The following ANK3 variants were observed in gnomAD, a reference collection of about 807,000 sequenced individuals.
ANK3 encodes the protein ankyrin 3.
Under a neutral mutation model 370.9 loss-of-function variants are expected in ANK3, and 57 were observed. That is an observed-to-expected ratio of 0.15 (90% CI 0.12 to 0.19). The LOEUF is 0.19. Ranked by LOEUF, ANK3 falls within the 10% of genes least tolerant of loss-of-function variation. ANK3 has a pLI of 1.00. For missense variants in ANK3, 4,439 were observed against 5,302.1 expected (o/e 0.84, Z 5.06); for synonymous variants, 1,929 against 1,946.3 (o/e 0.99, Z 0.23).
At chr10:60,276,434 G>C (rs2098090551) in intron 4 of ANK3, among the ~76,000 whole-genome samples, 1 of 152,128 alleles carries the variant, frequency 6.6e-6, no homozygotes, top group African/African-American at 2.4e-5. Flanking sequence ...CCATTCCTCT[G>C]CAGGGTCATC....
chr10:60,266,106 G>T (rs899980984), intron 5 of ANK3, among the ~76,000 whole-genome samples: 4 of 152,022 alleles, frequency 2.6e-5, no homozygotes, highest in African/African-American at 9.7e-5. Context: ...CAACTAGAAG[G>T]TTATTCCCTG....
intron 2 of ANK3, among the ~76,000 whole-genome samples, chr10:60,578,046 A>G (rs78216852): frequency 9.2e-5 from 14 of 152,320 alleles, no homozygotes; most frequent in Admixed American, 2.6e-4. Flanking sequence ...ACTGTAAGCA[A>G]TACTCTTTGT....
chr10:60,528,195 G>T (rs1269249781), intron 2 of ANK3, among the ~76,000 whole-genome samples: 1 of 128,926 alleles, frequency 7.8e-6, no homozygotes, highest in Non-Finnish European at 1.6e-5. Context: ...GGATTGTAAT[G>T]GTGCAATCTC....
chr10:60,594,018 C>T (rs2077953235), intron 2 of ANK3, among the ~76,000 whole-genome samples: 1 of 152,152 alleles, frequency 6.6e-6, no homozygotes, highest in African/African-American at 2.4e-5. Flanking sequence ...AAGCTTCCTT[C>T]CCTACATCAT....
chr10:60,364,337 T>C (rs1404259400), intron 1 of ANK3, among the ~76,000 whole-genome samples: 2 of 150,536 alleles, frequency 1.3e-5, no homozygotes, highest in African/African-American at 4.9e-5. Context: ...TCAAGTGATC[T>C]AGAAATGATG....
At chr10:60,530,094 GC>G (rs1286505523) in intron 2 of ANK3, among the ~76,000 whole-genome samples, 1 of 152,088 alleles carries the variant, frequency 6.6e-6, no homozygotes, top group East Asian at 1.9e-4. Context: ...CCAGAACCCT[GC>G]CTCCTTTCCC....
intron 2 of ANK3, among the ~76,000 whole-genome samples, chr10:60,571,055 GT>G (rs35835220): frequency 0.45 from 59,598 of 133,278 alleles, 12,196 homozygotes; most frequent in Middle Eastern, 0.51. Context: ...AACCTGACAG[GT>G]TTTTTTTTTT....
chr10:60,180,842 TGA>T (rs2096154083), intron 18 of ANK3, among the ~76,000 whole-genome samples: 1 of 152,062 alleles, frequency 6.6e-6, no homozygotes, highest in Non-Finnish European at 1.5e-5. Context: ...CTTTCTCGTC[TGA>T]GAGAGGGAGA....
chr10:60,232,604 C>T (rs2097262921), intron 8 of ANK3, among the ~76,000 whole-genome samples: 1 of 152,098 alleles, frequency 6.6e-6, no homozygotes, highest in South Asian at 2.1e-4. Flanking sequence ...AGGGGTCGGC[C>T]TTCCTTTCTT....
At chr10:60,382,577 A>C (rs943688890) in intron 1 of ANK3, among the ~76,000 whole-genome samples, 8 of 152,094 alleles carry the variant, frequency 5.3e-5, no homozygotes, top group Non-Finnish European at 7.4e-5. Context: ...TAAGTACCAG[A>C]AAAAACTCTG....
At chr10:60,434,019 T>C (rs2064096750) in intron 2 of ANK3, among the ~76,000 whole-genome samples, 1 of 152,214 alleles carries the variant, frequency 6.6e-6, no homozygotes, top group Non-Finnish European at 1.5e-5. Context: ...TTATTACTCA[T>C]TAGCCTTAAA....
At chr10:60,423,911 C>T (rs567337543) in intron 2 of ANK3, among the ~76,000 whole-genome samples, 11 of 152,072 alleles carry the variant, frequency 7.2e-5, no homozygotes, top group Middle Eastern at 3.2e-3. Flanking sequence ...AAAGTTACCT[C>T]TGATGGTGGT....
At chr10:60,264,627 ACT>A (rs1232700825) in intron 5 of ANK3, among the ~76,000 whole-genome samples, 1 of 132,996 alleles carries the variant, frequency 7.5e-6, no homozygotes, top group African/African-American at 2.8e-5. Context: ...ACAGAGCAAG[ACT>A]CTGTCAAAAA....
At position 60,239,074 on chromosome 10, in the gene ANK3, C is replaced by T. The variant is rs1592247081; in HGVS notation, c.799-4288G>A. ...GGATCCATTGAACTTACAGATATGT[C>T]ACTTTAAGTTATTTAAAATAAAAAC... On this transcript the variant is annotated intron_variant, in intron 7 of 43. Coordinates refer to ENST00000280772, the MANE Select transcript of ANK3 (RefSeq NM_020987.5). Among the ~76,000 whole-genome samples the T allele has an allele frequency of 2.0e-5, 3 of 152,066 alleles. No individual in the cohort carries two copies. The East Asian group carries it at 5.8e-4, about 29-fold the overall frequency.
intron 1 of ANK3, among the ~76,000 whole-genome samples, chr10:60,386,567 A>T (rs747924276): frequency 6.6e-6 from 1 of 151,372 alleles, no homozygotes; most frequent in Admixed American, 6.6e-5. Flanking sequence ...GTAATCATGT[A>T]CTCATGATTA....
chr10:60,456,669 G>A lies in ANK3; in HGVS notation c.96+158517C>T, dbSNP rs145964532. On this transcript the variant is annotated intron_variant, in intron 2 of 43. Coordinates refer to the ANK3 transcript ENST00000373827. ...TAGGATGGTCCCATAGCAGGCTCTA[G>A]CACCATTCATTCTTGACCCTCATCA... Among the ~76,000 whole-genome samples the A allele has an allele frequency of 6.2e-3, 942 of 152,220 alleles. 10 individuals are homozygous for A. The highest frequency in any genetic ancestry group is 0.011 in the Admixed American group (165 of 15,274).
At chr10:60,489,680 T>C (rs1050433585) in intron 2 of ANK3, among the ~76,000 whole-genome samples, 1 of 152,170 alleles carries the variant, frequency 6.6e-6, no homozygotes, top group Non-Finnish European at 1.5e-5. Flanking sequence ...GCTCTTTAAA[T>C]ATTAATATAT....
chr10:60,547,805 G>A (rs2077002376), intron 2 of ANK3, among the ~76,000 whole-genome samples: 1 of 152,008 alleles, frequency 6.6e-6, no homozygotes, highest in Non-Finnish European at 1.5e-5. Context: ...AAGACAAGCA[G>A]TTACCTATTC....
At chr10:60,306,428 C>CATATATATATATATATATATATATATAT (rs753175801) in intron 1 of ANK3, among the ~76,000 whole-genome samples, 1 of 112,052 alleles carries the variant, frequency 8.9e-6, no homozygotes, top group African/African-American at 3.8e-5. Context: ...GGTGTATGTG[C>CATATATATATATATATATATATATATAT]ATATATATAT....
Sources: gnomAD v4.1 joint callset for allele counts (sites outside exome capture counted in the v4.1 genomes callset) on GRCh38, gnomAD v4.1.1 for gene constraint, MANE v1.5 for transcripts, NCBI Gene and HGNC (gene_info 2026-07-23, HGNC 2026-07-21) for gene names.